BEGAIN: variants seen among roughly 807,000 people sequenced by gnomAD.
BEGAIN encodes the protein brain enriched guanylate kinase associated.
Under a neutral mutation model 35.8 loss-of-function variants are expected in BEGAIN, and 19 were observed. That is an observed-to-expected ratio of 0.53 (90% confidence interval 0.37 to 0.78). BEGAIN has a LOEUF of 0.78. Among genes scored for constraint, BEGAIN ranks in the 30% least tolerant of loss-of-function variants. The pLI, the probability that BEGAIN is intolerant of heterozygous loss-of-function variation, is 0.00. For missense variants in BEGAIN, 795 were observed against 853.6 expected, an observed-to-expected ratio of 0.93 and a Z score of 0.85; for synonymous variants, 462 against 388.6, an observed-to-expected ratio of 1.19 and a Z score of -2.22.
chr14:100,557,110 A>G (rs2033810507), intron 2 of BEGAIN, among the ~76,000 whole-genome samples: 1 of 127,208 alleles, frequency 7.9e-6, no homozygotes, highest in South Asian at 2.3e-4. Flanking sequence ...CCAGGCCCCC[A>G]GTCCCAGCGC....
Position 100,567,998 on chromosome 14 carries a change from C to G in BEGAIN, c.43-59G>C, listed in dbSNP as rs2034855766. ...GGAGGCGTGCGCTCCGCGGCCGCGCCGGGCAGAGCCGGGCACAGCGGGCAC... is the reference window on the plus strand; with the variant it reads ...GGAGGCGTGCGCTCCGCGGCCGCGCGGGGCAGAGCCGGGCACAGCGGGCAC... On this transcript the variant is annotated intron_variant, in intron 1 of 6. Transcript: ENST00000554140. The surrounding 1 kb of genome is among the most constrained non-coding windows in gnomAD (Gnocchi z 5.1). The G allele has an allele frequency of 1.5e-6, 2 of 1,357,850 alleles. No homozygotes were observed. The highest frequency in any genetic ancestry group is 9.6e-7 in the Non-Finnish European group (1 of 1,036,490). 84.1% of individuals were successfully genotyped at this position (1,357,850 alleles called of 1,614,324 possible).
Position 100,537,989 on chromosome 14 carries a change from A to G in BEGAIN, c.1819T>C (p.Tyr607His). The G allele has an allele frequency of 6.2e-7, 1 of 1,609,236 alleles. No individual in the cohort carries two copies. Among genetic ancestry groups the G allele is most frequent in the Non-Finnish European group, 8.5e-7 (1 of 1,178,706 alleles). The change falls in exon 7 of 7, where the codon TAC becomes CAC. Residue 607 changes from tyrosine to histidine, a missense_variant. By Grantham distance (83) the Tyr-to-His change is moderately conservative (BLOSUM62 2). Transcript: ENST00000554140. ...GGCGCTCAGTTGAGCAAGGTTCCGT[A>G]GAGCTGGGCCTTGGTGAGGCTGTCC... is the stretch of plus-strand genomic sequence containing the variant. Reference protein sequence around the residue: ...RKDSLTKAQLYGTLLN With the variant: ...RKDSLTKAQLHGTLLN
chr14:100,540,576 G>A lies in BEGAIN; in HGVS notation c.412C>T (p.Leu138Phe). 1 of 1,601,334 alleles carries A rather than the reference G, an allele frequency of 6.2e-7. No homozygotes were observed. The highest frequency in any genetic ancestry group is 8.5e-7 in the Non-Finnish European group (1 of 1,173,568). The change falls in exon 6 of 7, where the codon CTC becomes TTC. Residue 138 changes from leucine (L) to phenylalanine (F), a missense_variant. By Grantham distance (22) the Leu-to-Phe change is conservative (BLOSUM62 0). Transcript: ENST00000554140. The part of the protein sequence containing the change: ...TIDKLSEDNE[L>F]YRKDCNLAAQ... ...GCTAGATTGCAGTCCTTCCTATAGA[G>A]CTCCTAAAAGACAAGAGAAGGCGTT...
chr14:100,553,697 C>G (rs1364545908), intron 2 of BEGAIN, among the ~76,000 whole-genome samples: 2 of 152,162 alleles, frequency 1.3e-5, no homozygotes, highest in Non-Finnish European at 2.9e-5. Flanking sequence ...AAGTCTTTCT[C>G]GGTTCCCCCT....
chr14:100,584,415 G>A (rs974348121), intron 1 of BEGAIN, among the ~76,000 whole-genome samples: 1 of 152,164 alleles, frequency 6.6e-6, no homozygotes, highest in Non-Finnish European at 1.5e-5. Flanking sequence ...AGCAGCTCCT[G>A]ACTCCTGCCG....
chr14:100,546,706 G>T lies in BEGAIN; in HGVS notation c.72-44C>A, dbSNP rs778621824. On this transcript the variant is annotated intron_variant, in intron 2 of 6. Coordinates refer to ENST00000554140, the MANE Select transcript of BEGAIN (RefSeq NM_001385089.1). ...GGCGGGCCGGGCCGCGGCGCTGAGC[G>T]GGGGAAACTAAGGCCCGCAGGCCAG... is the stretch of plus-strand genomic sequence containing the variant. 3.3e-6 allele frequency: 5 copies of T among 1,520,332 alleles called. No individual in the cohort carries two copies. The South Asian group carries it at 3.6e-5, about 11-fold the overall frequency. 94.2% of individuals were successfully genotyped at this position (1,520,332 alleles called of 1,614,324 possible).
At chr14:100,556,021 A>G (rs904268005) in intron 2 of BEGAIN, among the ~76,000 whole-genome samples, 1 of 151,942 alleles carries the variant, frequency 6.6e-6, no homozygotes, top group African/African-American at 2.4e-5. Context: ...ATGTGTATGT[A>G]GTGAGGGAGG....
intron 1 of BEGAIN, among the ~76,000 whole-genome samples, chr14:100,581,447 T>A (rs951793159): frequency 3.3e-5 from 5 of 151,816 alleles, no homozygotes; most frequent in Non-Finnish European, 5.9e-5. Flanking sequence ...CTGGACAACC[T>A]CTCCTGGAGG....
At chr14:100,540,696 G>T in intron 5 of BEGAIN, 117 bp from the exon 6 acceptor site, 1 of 714,888 alleles carries the variant, frequency 1.4e-6, no homozygotes, top group Admixed American at 2.4e-5. Context: ...TGTGCGCTCA[G>T]CAGGACAAGG....
At chr14:100,556,505 G>A (rs111548060) in intron 2 of BEGAIN, among the ~76,000 whole-genome samples, 1 of 152,256 alleles carries the variant, frequency 6.6e-6, no homozygotes, top group African/African-American at 2.4e-5. Flanking sequence ...CCTTGGCACA[G>A]GCTGCCCCCT....
At chr14:100,555,398 T>A (rs967254201) in intron 2 of BEGAIN, among the ~76,000 whole-genome samples, 1 of 152,200 alleles carries the variant, frequency 6.6e-6, no homozygotes, top group African/African-American at 2.4e-5. Context: ...CCCCTCCAAC[T>A]TGCTCCTGCT....
intron 2 of BEGAIN, among the ~76,000 whole-genome samples, chr14:100,559,019 A>G (rs1177150888): frequency 1.3e-5 from 2 of 152,280 alleles, no homozygotes; most frequent in South Asian, 2.1e-4. Flanking sequence ...GCCTGGGGTC[A>G]GCTGGCAGAA....
At position 100,570,507 on chromosome 14, in the gene BEGAIN, T is replaced by A. The variant is rs1172327443; in HGVS notation, c.43-2568A>T. 9.7e-3 allele frequency among the ~76,000 whole-genome samples: 1,478 copies of A among 152,318 alleles called. 28 individuals carry two copies. The highest frequency in any genetic ancestry group is 0.034 in the African/African-American group (1,407 of 41,560). The stretch of plus-strand genomic sequence containing the variant: ...GCTGTATCCTCCATGCGGCCCTCTG[T>A]GGGAACTCTGGGGAGTCACTGAGTT... On this transcript the variant is annotated intron_variant, in intron 1 of 6. Transcript: ENST00000554140.
At chr14:100,543,121 T>A (rs1454707534) in intron 5 of BEGAIN, among the ~76,000 whole-genome samples, 1 of 152,162 alleles carries the variant, frequency 6.6e-6, no homozygotes, top group African/African-American at 2.4e-5. Context: ...CTTCACTCCC[T>A]CAGGTCCTGG....
intron 2 of BEGAIN, among the ~76,000 whole-genome samples, chr14:100,554,001 C>T (rs1316996921): frequency 1.3e-5 from 2 of 152,242 alleles, no homozygotes; most frequent in African/African-American, 2.4e-5. Context: ...AGGGCCCTGC[C>T]TCTGTCATCC....
chr14:100,538,207 G>T lies in BEGAIN; in HGVS notation c.1601C>A (p.Pro534His). The T allele has an allele frequency of 6.4e-7, 1 of 1,558,966 alleles. No homozygotes were observed. Among genetic ancestry groups the T allele is most frequent in the Non-Finnish European group, 8.6e-7 (1 of 1,157,846 alleles). ...RSADPLPGYA[P>H]SEGGDGDRLG... is the part of the protein sequence containing the mutation. ...CCTGTCCCCGTCCCCCCCCTCGCTG[G>T]GTGCATAGCCGGGCAGTGGGTCAGC... is the stretch of plus-strand genomic sequence containing the variant. The change falls in exon 7 of 7, where the codon CCC becomes CAC. Residue 534 changes from proline (P) to histidine (H), a missense_variant. Pro to His is a moderately conservative substitution (Grantham distance 77). Coordinates refer to ENST00000554140, the MANE Select transcript of BEGAIN (RefSeq NM_001385089.1).
chr14:100,539,002 G>A lies in BEGAIN; in HGVS notation c.806C>T (p.Pro269Leu). The change falls in exon 7 of 7, where the codon CCC becomes CTC. Residue 269 changes from proline (P) to leucine (L), a missense_variant. Transcript: ENST00000554140. ...RRDRRPSVDA[P>L]VTDVGFLRAQ... ...CCGCAGGAAGCCCACGTCGGTCACGGGCGCGTCCACGCTAGGCCGCCGGTC... is the reference window on the plus strand; with the variant it reads ...CCGCAGGAAGCCCACGTCGGTCACGAGCGCGTCCACGCTAGGCCGCCGGTC... The A allele has an allele frequency of 6.2e-7, 1 of 1,610,650 alleles. No individual in the cohort carries two copies. Among genetic ancestry groups the A allele is most frequent in the Non-Finnish European group, 8.5e-7 (1 of 1,179,036 alleles).
chr14:100,543,208 G>A (rs754804395), intron 5 of BEGAIN, among the ~76,000 whole-genome samples: 3 of 152,140 alleles, frequency 2.0e-5, no homozygotes, highest in East Asian at 1.9e-4. Context: ...ACCGTTCTTC[G>A]CTTTCTGTTT....
rs536560756 is a variant in BEGAIN, at chr14:100,537,885, G to C, written c.*84C>G. Reference sequence around the variant, plus strand: ...TGTTGGCCGGGGCAGGGGAACAGCGGGGGCTGGGGAGAGGTGAGGCCGGCC... The same window carrying C: ...TGTTGGCCGGGGCAGGGGAACAGCGCGGGCTGGGGAGAGGTGAGGCCGGCC... On this transcript the variant is annotated 3_prime_UTR_variant, in exon 7 of 7. Transcript: ENST00000554140. 8.8e-5 allele frequency: 130 copies of C among 1,481,276 alleles called. No individual in the cohort carries two copies. The Admixed American group carries it at 8.9e-4, about 10-fold the overall frequency. 91.8% of individuals were successfully genotyped at this position (1,481,276 alleles called of 1,614,324 possible).
Sources: gnomAD v4.1 joint callset for allele counts (sites outside exome capture counted in the v4.1 genomes callset) on GRCh38, gnomAD v4.1.1 for gene constraint, Gnocchi (gnomAD v3.1) non-coding constraint, MANE v1.5 for transcripts, NCBI Gene and HGNC (gene_info 2026-07-23, HGNC 2026-07-21) for gene names.